DDAH1: variants seen among roughly 807,000 people sequenced by gnomAD.
DDAH1 encodes the protein N(G),N(G)-dimethylarginine dimethylaminohydrolase 1.
A neutral mutation model predicts 28.8 loss-of-function variants in DDAH1; 19 were observed. That is an observed-to-expected ratio of 0.66 (90% CI 0.46 to 0.97). The LOEUF (loss-of-function observed/expected upper bound fraction) is 0.97. Ranked by LOEUF, DDAH1 falls within the 50% of genes least tolerant of loss-of-function variation. The pLI is 0.00. For missense variants in DDAH1, 326 were observed against 375.9 expected (o/e 0.87, Z 1.10); for synonymous variants, 153 against 154.4 (o/e 0.99, Z 0.07).
intron 1 of DDAH1, among the ~76,000 whole-genome samples, chr1:85,395,490 T>G (rs984555738): frequency 5.3e-5 from 8 of 152,062 alleles, no homozygotes; most frequent in Admixed American, 4.6e-4. Flanking sequence ...CTGACCAACA[T>G]GGAGAAACCC....
chr1:85,380,774 TTTGC>T (rs1379227181), intron 1 of DDAH1, among the ~76,000 whole-genome samples: 1 of 152,180 alleles, frequency 6.6e-6, no homozygotes, highest in African/African-American at 2.4e-5. Flanking sequence ...ATTCCTAGGT[TTTGC>T]TGCACATATA....
Position 85,563,606 on chromosome 1 carries a change from G to C in DDAH1, c.-123+14378C>G, listed in dbSNP as rs368696590. Among the ~76,000 whole-genome samples, 18 of 152,066 alleles carry C rather than the reference G, an allele frequency of 1.2e-4. 1 individual carries two copies. Among genetic ancestry groups the C allele is most frequent in the Admixed American group, 9.8e-4 (15 of 15,272 alleles). On this transcript the variant is annotated intron_variant, in intron 1 of 6. Coordinates refer to the DDAH1 transcript ENST00000426972. ...TTAAGGAATATAATATCTAGCACCC[G>C]ACAAGGTAGAATTCACAATGTATGA... is the stretch of plus-strand genomic sequence containing the variant.
intron 4 of DDAH1, among the ~76,000 whole-genome samples, chr1:85,345,007 A>G (rs191190817): frequency 3.9e-5 from 6 of 152,346 alleles, no homozygotes; most frequent in Middle Eastern, 3.4e-3. Flanking sequence ...ACAATGTAAC[A>G]TATATATTTT....
chr1:85,556,640 A>G (rs1055290569), intron 1 of DDAH1, among the ~76,000 whole-genome samples: 4 of 152,286 alleles, frequency 2.6e-5, no homozygotes, highest in Non-Finnish European at 2.9e-5. Flanking sequence ...AAGGAGACAT[A>G]ATCATAAAGG....
At chr1:85,358,544 G>A (rs1034656814) in intron 2 of DDAH1, among the ~76,000 whole-genome samples, 3 of 152,154 alleles carry the variant, frequency 2.0e-5, no homozygotes, top group Non-Finnish European at 4.4e-5. Context: ...AACTACTCAG[G>A]AGGCTGAGGC....
At chr1:85,385,772 T>C (rs911262825) in intron 1 of DDAH1, among the ~76,000 whole-genome samples, 2 of 152,192 alleles carry the variant, frequency 1.3e-5, no homozygotes, top group Non-Finnish European at 2.9e-5. Context: ...GGGTAATTTA[T>C]AAAGAAAAGA....
chr1:85,566,444 A>G (rs1308670835), intron 1 of DDAH1, among the ~76,000 whole-genome samples: 1 of 150,538 alleles, frequency 6.6e-6, no homozygotes, highest in African/African-American at 2.4e-5. Context: ...GTGAGCCAAG[A>G]TCGCACCACT....
chr1:85,339,060 A>AT lies in DDAH1; in HGVS notation c.597+11354_597+11355insA, dbSNP rs1211710766. ...AGACTCCGTCTCAAAAAAAAAAAAA[A>AT]AAATATATATATATATGATCTTCAC... On this transcript the variant is annotated intron_variant, in intron 4 of 5. Transcript: ENST00000284031. Among the ~76,000 whole-genome samples the AT allele has an allele frequency of 9.2e-3, 1,351 of 147,142 alleles. 9 individuals are homozygous for AT. Among genetic ancestry groups the AT allele is most frequent in the African/African-American group, 0.017 (702 of 40,256 alleles).
At chr1:85,443,856 A>G (rs986585905) in intron 1 of DDAH1, among the ~76,000 whole-genome samples, 26 of 152,284 alleles carry the variant, frequency 1.7e-4, no homozygotes, top group African/African-American at 6.3e-4. Context: ...ATTTTTGCAC[A>G]TTGATTTTGT....
Position 85,526,790 on chromosome 1 carries a change from C to T in DDAH1, c.-122-30509G>A, listed in dbSNP as rs1466364146. On this transcript the variant is annotated intron_variant, in intron 1 of 6. Coordinates refer to the DDAH1 transcript ENST00000426972. ...TCTTGTCTTTCTTGAAAACCTCTGG[C>T]CCTGGAATGTTTGATATCGATTTTC... Among the ~76,000 whole-genome samples, 4 of 147,140 alleles carry T rather than the reference C, an allele frequency of 2.7e-5. No individual in the cohort carries two copies. The East Asian group carries it at 7.9e-4, about 29-fold the overall frequency.
At chr1:85,519,287 G>A (rs1466345618) in intron 1 of DDAH1, among the ~76,000 whole-genome samples, 1 of 151,846 alleles carries the variant, frequency 6.6e-6, no homozygotes, top group African/African-American at 2.4e-5. Flanking sequence ...TAGTAGATAC[G>A]GGGTTTCACC....
chr1:85,505,907 T>C (rs1656998425), intron 1 of DDAH1, among the ~76,000 whole-genome samples: 2 of 152,202 alleles, frequency 1.3e-5, no homozygotes, highest in African/African-American at 4.8e-5. Context: ...ATAGAAGCCA[T>C]GTCCTAAATT....
chr1:85,462,120 C>T (rs1490787670), intron 1 of DDAH1, among the ~76,000 whole-genome samples: 3 of 152,148 alleles, frequency 2.0e-5, no homozygotes, highest in East Asian at 3.9e-4. Context: ...TAAATATTAG[C>T]TAATAATAGT....
At chr1:85,390,420 G>A (rs937948379) in intron 1 of DDAH1, among the ~76,000 whole-genome samples, 15 of 152,196 alleles carry the variant, frequency 9.9e-5, no homozygotes, top group African/African-American at 3.6e-4. Context: ...GGAACTACAA[G>A]ATGAGATTTG....
At chr1:85,448,793 T>C (rs1269804441) in intron 1 of DDAH1, among the ~76,000 whole-genome samples, 5 of 152,212 alleles carry the variant, frequency 3.3e-5, no homozygotes, top group African/African-American at 1.2e-4. Flanking sequence ...AATCACATTT[T>C]AATCTGTTTA....
At chr1:85,380,866 C>A (rs567285885) in intron 1 of DDAH1, among the ~76,000 whole-genome samples, 5 of 152,264 alleles carry the variant, frequency 3.3e-5, no homozygotes, top group African/African-American at 1.2e-4. Flanking sequence ...ACTCCGTTTA[C>A]TTTCAAAATA....
intron 2 of DDAH1, among the ~76,000 whole-genome samples, chr1:85,354,918 G>A (rs1346530371): frequency 6.6e-6 from 1 of 151,946 alleles, no homozygotes; most frequent in Non-Finnish European, 1.5e-5. Context: ...AGAAAGAAAT[G>A]TGAAGGAAGG....
chr1:85,470,525 G>T (rs1164855158), intron 2 of DDAH1, among the ~76,000 whole-genome samples: 1 of 152,222 alleles, frequency 6.6e-6, no homozygotes, highest in African/African-American at 2.4e-5. Context: ...TTCTCAAAGA[G>T]AAGGAGGGCT....
intron 1 of DDAH1, among the ~76,000 whole-genome samples, chr1:85,370,973 G>C (rs1650353215): frequency 6.6e-6 from 1 of 152,180 alleles, no homozygotes; most frequent in Non-Finnish European, 1.5e-5. Context: ...AGAGATATCA[G>C]AAGAGCTAAC....
Sources: gnomAD v4.1 joint callset for allele counts (sites outside exome capture counted in the v4.1 genomes callset) on GRCh38, gnomAD v4.1.1 for gene constraint, MANE v1.5 for transcripts, NCBI Gene and HGNC (gene_info 2026-07-23, HGNC 2026-07-21) for gene names.